Variants in CDCP1 observed in about 807,000 individuals in gnomAD.
The protein encoded by CDCP1 is CUB domain-containing protein 1.
In CDCP1, 29 loss-of-function variants were observed where a neutral mutation model predicts 60.2. The observed-to-expected ratio is 0.48, with a 90% CI of 0.36 to 0.66. The LOEUF (loss-of-function observed/expected upper bound fraction) is 0.66. Ranked by LOEUF, CDCP1 falls within the 30% of genes least tolerant of loss-of-function variation. CDCP1 has a pLI of 0.00. For missense variants in CDCP1, 876 were observed against 1,074.3 expected (o/e 0.82, Z 2.58); for synonymous variants, 387 against 431.1 (o/e 0.90, Z 1.27).
chr3:45,120,041 A>G (rs887562156), intron 1 of CDCP1, among the ~76,000 whole-genome samples: 2 of 152,198 alleles, frequency 1.3e-5, no homozygotes, highest in Non-Finnish European at 2.9e-5. Flanking sequence ...GCTGAGTACT[A>G]TTCCATTGAC....
chr3:45,115,933 GT>G (rs1698782666), intron 2 of CDCP1, among the ~76,000 whole-genome samples: 1 of 151,916 alleles, frequency 6.6e-6, no homozygotes, highest in Admixed American at 6.6e-5. Context: ...ATTTATTTAA[GT>G]CTTCTCTTTT....
intron 1 of CDCP1, among the ~76,000 whole-genome samples, chr3:45,145,533 T>C (rs780986328): frequency 6.6e-6 from 1 of 152,028 alleles, no homozygotes; most frequent in Non-Finnish European, 1.5e-5. Flanking sequence ...TGCCAAAAAG[T>C]GCGAGGGGCG....
At chr3:45,088,949 A>G in intron 8 of CDCP1, 105 bp downstream of exon 8, 1 of 926,760 alleles carries the variant, frequency 1.1e-6, no homozygotes, top group African/African-American at 1.6e-5. Flanking sequence ...CTTTGGGGGA[A>G]AAAATGGGAA....
At chr3:45,096,650 G>A (rs1353657711) in intron 4 of CDCP1, among the ~76,000 whole-genome samples, 3 of 100,926 alleles carry the variant, frequency 3.0e-5, no homozygotes, top group Non-Finnish European at 6.9e-5. Context: ...AAAAAAAAGA[G>A]GGAGATTTGA....
intron 1 of CDCP1, among the ~76,000 whole-genome samples, chr3:45,145,381 T>C (rs971480510): frequency 1.3e-5 from 2 of 152,222 alleles, no homozygotes; most frequent in African/African-American, 4.8e-5. Context: ...GGTTATTTAC[T>C]ACGTTCTAAT....
At chr3:45,134,692 G>A (rs2126008056) in intron 1 of CDCP1, among the ~76,000 whole-genome samples, 1 of 152,294 alleles carries the variant, frequency 6.6e-6, no homozygotes, top group South Asian at 2.1e-4. Flanking sequence ...GCCCTTGCAA[G>A]CGACCACAAG....
At chr3:45,126,660 C>T (rs1051298966) in intron 1 of CDCP1, among the ~76,000 whole-genome samples, 3 of 152,130 alleles carry the variant, frequency 2.0e-5, no homozygotes, top group African/African-American at 7.2e-5. Context: ...ACATGAATTG[C>T]CATTTCAAGG....
chr3:45,092,828 C>T (rs994488753), intron 6 of CDCP1, among the ~76,000 whole-genome samples: 3 of 152,166 alleles, frequency 2.0e-5, no homozygotes, highest in African/African-American at 7.2e-5. Flanking sequence ...GACTCTGGCT[C>T]CAGAGACTCG....
chr3:45,114,003 G>A (rs1458833512), intron 2 of CDCP1, among the ~76,000 whole-genome samples: 3 of 152,160 alleles, frequency 2.0e-5, no homozygotes, highest in Non-Finnish European at 4.4e-5. Context: ...TTTAACTCTA[G>A]TAAGGCAGTG....
rs2125986812 is a variant in CDCP1 at position 45,082,837 on chromosome 3, C to T, written c.*2801G>A. On this transcript the variant is annotated 3_prime_UTR_variant, in exon 9 of 9. Coordinates refer to ENST00000296129, the MANE Select transcript of CDCP1 (RefSeq NM_022842.5). The stretch of plus-strand genomic sequence containing the variant: ...TTCAACAAATGGCACTTCACTGTTT[C>T]CAGTGACCCTGAAATGTTTTACGTA... 6.6e-6 allele frequency: 1 copy of T among 152,352 alleles called. No homozygotes were observed. Among genetic ancestry groups the T allele is most frequent in the Middle Eastern group, 3.4e-3 (1 of 294 alleles). 9.4% of individuals were successfully genotyped at this position (152,352 alleles called of 1,614,324 possible).
intron 1 of CDCP1, among the ~76,000 whole-genome samples, chr3:45,131,970 A>G (rs1404662686): frequency 6.6e-6 from 1 of 152,220 alleles, no homozygotes; most frequent in African/African-American, 2.4e-5. Context: ...GTGGTGGCTC[A>G]TGCCTGTAAT....
rs185227006 is a variant in CDCP1 at position 45,098,409 on chromosome 3, C to G, written c.1025-2841G>C. ...AAAAAAGATATGGAGAGAAATATAA[C>G]AAATCCGTGACTGTGGTTACCCCAG... On this transcript the variant is annotated intron_variant, in intron 4 of 8. Coordinates refer to ENST00000296129, the MANE Select transcript of CDCP1 (RefSeq NM_022842.5). Among the ~76,000 whole-genome samples the G allele has an allele frequency of 5.8e-3, 886 of 152,188 alleles. 6 individuals are homozygous for G. The highest frequency in any genetic ancestry group is 0.01 in the Non-Finnish European group (693 of 67,998).
intron 2 of CDCP1, among the ~76,000 whole-genome samples, chr3:45,114,413 C>CTTTTTTTTTTTTTTTTTTTTTTT (rs10688307): frequency 1.4e-5 from 2 of 143,946 alleles, no homozygotes; most frequent in Non-Finnish European, 1.5e-5. Flanking sequence ...CATTAACTCT[C>CTTTTTTTTTTTTTTTTTTTTTTT]TTTTTTTTTT....
intron 4 of CDCP1, among the ~76,000 whole-genome samples, chr3:45,106,755 A>C (rs1174049122): frequency 6.6e-6 from 1 of 152,278 alleles, no homozygotes; most frequent in East Asian, 1.9e-4. Flanking sequence ...AAGGAAGGTC[A>C]AGTTAGGGCA....
Position 45,089,056 on chromosome 3 carries a change from C to T in CDCP1, c.2079G>A (p.Lys693=), listed in dbSNP as rs571906029. 7 of 1,613,438 alleles carry T rather than the reference C, an allele frequency of 4.3e-6. No homozygotes were observed. Among genetic ancestry groups the T allele is most frequent in the East Asian group, 4.5e-5 (2 of 44,872 alleles). ...ALGLIICCVK[K]KKKKTNKGPA... ...AGAGAGTAAGAGATTCCACCTACTT[C>T]TTTTTCACACAGCAAATGATGAGCC... is the stretch of plus-strand genomic sequence containing the variant. The change falls in exon 8 of 9, where the codon AAG becomes AAA. Residue 693 remains lysine (K), a splice_region_variant and synonymous_variant. Coordinates refer to ENST00000296129, the MANE Select transcript of CDCP1 (RefSeq NM_022842.5).
At chr3:45,120,943 C>A (rs904002538) in intron 1 of CDCP1, among the ~76,000 whole-genome samples, 1 of 152,028 alleles carries the variant, frequency 6.6e-6, no homozygotes, top group African/African-American at 2.4e-5. Context: ...CTGAACCCTG[C>A]GCTTGATGTC....
chr3:45,117,109 T>G (rs750790602), intron 2 of CDCP1, among the ~76,000 whole-genome samples: 5 of 152,210 alleles, frequency 3.3e-5, no homozygotes, highest in Non-Finnish European at 7.3e-5. Context: ...CAATTTCTCC[T>G]TTTACTTTTG....
intron 1 of CDCP1, among the ~76,000 whole-genome samples, chr3:45,144,315 T>C (rs1414914407): frequency 6.6e-6 from 1 of 152,188 alleles, no homozygotes; most frequent in Non-Finnish European, 1.5e-5. Flanking sequence ...CAGGACAGTC[T>C]CCAGGAATTT....
At chr3:45,116,308 C>T (rs527441554) in intron 2 of CDCP1, among the ~76,000 whole-genome samples, 1 of 149,108 alleles carries the variant, frequency 6.7e-6, no homozygotes, top group African/African-American at 2.5e-5. Flanking sequence ...TCTCTCTAAC[C>T]TAATAATGCA....
Sources: allele counts gnomAD v4.1 joint callset (sites outside exome capture counted in the v4.1 genomes callset), GRCh38; gene constraint gnomAD v4.1.1; transcripts MANE v1.5; gene names NCBI Gene and HGNC (gene_info 2026-07-23, HGNC 2026-07-21).